The following FA2H variants were observed in gnomAD, a reference collection of about 807,000 sequenced individuals.
FA2H encodes the protein fatty acid alpha-hydroxylase.
Under a neutral mutation model 44.9 loss-of-function variants are expected in FA2H, and 22 were observed. The ratio of observed to expected loss-of-function variants is 0.49; its 90% CI spans 0.35 to 0.70. FA2H has a LOEUF of 0.70. Among genes scored for constraint, FA2H ranks in the 30% least tolerant of loss-of-function variants. The pLI, the probability that FA2H is intolerant of heterozygous loss-of-function variation, is 0.01. For synonymous variants in FA2H, 243 were observed against 213.2 expected (o/e 1.14, Z -1.22); for missense variants, 501 against 504.9 (o/e 0.99, Z 0.07).
At chr16:74,747,969 A>C (rs554377841) in intron 1 of FA2H, among the ~76,000 whole-genome samples, 2 of 152,260 alleles carry the variant, frequency 1.3e-5, no homozygotes, top group African/African-American at 4.8e-5. Context: ...GCATCCGAGG[A>C]GCCGTGGAGC....
chr16:74,773,958 G>C (rs1567653953), intron 1 of FA2H, among the ~76,000 whole-genome samples: 1 of 152,194 alleles, frequency 6.6e-6, no homozygotes, highest in African/African-American at 2.4e-5. Context: ...ACATGGCCCA[G>C]GCAAGGCCAG....
Position 74,764,737 on chromosome 16 carries a change from AAAG to A in FA2H, c.270+9746_270+9748del, listed in dbSNP as rs1019947276. Among the ~76,000 whole-genome samples the A allele has an allele frequency of 9.2e-5, 14 of 152,266 alleles. No homozygotes were observed. The East Asian group carries it at 1.7e-3, about 19-fold the overall frequency. On this transcript the variant is annotated intron_variant, in intron 1 of 6. Transcript: ENST00000219368. ...TGAACTTAGAAGTTTAAAAAAAAAAAAAGAATAGGAGCAATTAGAGAAGATTGA... is the reference window on the plus strand; with the variant it reads ...TGAACTTAGAAGTTTAAAAAAAAAAAAATAGGAGCAATTAGAGAAGATTGA...
intron 1 of FA2H, among the ~76,000 whole-genome samples, chr16:74,755,873 A>G (rs1357235030): frequency 6.9e-6 from 1 of 145,032 alleles, no homozygotes; most frequent in East Asian, 2.2e-4. Context: ...TAATTTTCAT[A>G]TAGTTAAAAA....
At chr16:74,741,808 A>ATATATATATATATGTGTGTGTGTG (rs1491185782) in intron 1 of FA2H, among the ~76,000 whole-genome samples, 2 of 48,416 alleles carry the variant, frequency 4.1e-5, no homozygotes, top group African/African-American at 2.2e-4. Context: ...ATATATATAT[A>ATATATATATATATGTGTGTGTGTG]TGTGTGTGTG....
chr16:74,736,034 C>T (rs908406925), intron 2 of FA2H, among the ~76,000 whole-genome samples: 2 of 149,188 alleles, frequency 1.3e-5, no homozygotes, highest in Admixed American at 1.3e-4. Flanking sequence ...TACTGGAACA[C>T]TGTGGCATCT....
chr16:74,731,699 T>A (rs995008118), intron 2 of FA2H, among the ~76,000 whole-genome samples: 15 of 152,170 alleles, frequency 9.9e-5, no homozygotes, highest in African/African-American at 3.6e-4. Flanking sequence ...ATTTTCTATT[T>A]GTCTCCTCTG....
chr16:74,728,776 CTT>C (rs1319164537), intron 2 of FA2H, among the ~76,000 whole-genome samples: 2 of 142,028 alleles, frequency 1.4e-5, no homozygotes, highest in African/African-American at 5.4e-5. Context: ...ATATTTATCT[CTT>C]TCTTTTTTTT....
chr16:74,766,522 G>A (rs1962811551), intron 1 of FA2H, among the ~76,000 whole-genome samples: 1 of 152,134 alleles, frequency 6.6e-6, no homozygotes, highest in South Asian at 2.1e-4. Flanking sequence ...TCTTCAGAAA[G>A]GTTCAGAGAC....
intron 6 of FA2H, among the ~76,000 whole-genome samples, chr16:74,714,697 A>AC (rs1961656054): frequency 6.6e-6 from 1 of 152,206 alleles, no homozygotes; most frequent in Non-Finnish European, 1.5e-5. Flanking sequence ...TTGCTGTCCA[A>AC]CTAGCCCTTA....
At chr16:74,716,747 C>G in intron 5 of FA2H, 148 bp from the exon 6 acceptor site, 1 of 791,842 alleles carries the variant, frequency 1.3e-6, no homozygotes, top group South Asian at 1.9e-5. Context: ...TTGGGGAGGG[C>G]GGGCCACCAC....
At chr16:74,761,651 T>C (rs907793699) in intron 1 of FA2H, among the ~76,000 whole-genome samples, 1 of 152,212 alleles carries the variant, frequency 6.6e-6, no homozygotes, top group African/African-American at 2.4e-5. Flanking sequence ...ATTTGGCCCT[T>C]GCTCAAATAC....
At chr16:74,718,810 G>A (rs561689982) in intron 5 of FA2H, among the ~76,000 whole-genome samples, 178 bp downstream of exon 5, 16 of 152,308 alleles carry the variant, frequency 1.1e-4, no homozygotes, top group African/African-American at 3.1e-4. Context: ...CGCTGTCCCC[G>A]CCTGGCTTAG....
At chr16:74,750,503 CAAT>C (rs1430649782) in intron 1 of FA2H, among the ~76,000 whole-genome samples, 1 of 152,116 alleles carries the variant, frequency 6.6e-6, no homozygotes, top group Non-Finnish European at 1.5e-5. Context: ...CTACGAAAAA[CAAT>C]AATAGTCACT....
intron 6 of FA2H, 56 bp downstream of exon 6, chr16:74,716,291 G>A (rs1377456022): frequency 3.1e-6 from 5 of 1,593,886 alleles, no homozygotes; most frequent in Non-Finnish European, 4.3e-6. Flanking sequence ...GATGGTAGTT[G>A]GCAAATAAAT....
Position 74,774,573 on chromosome 16 carries a change from G to T in FA2H, c.183C>A (p.Asp61Glu). The change falls in exon 1 of 7, where the codon GAC (aspartate) becomes GAA (glutamate). Residue 61 changes from aspartate (D) to glutamate (E), a missense_variant. Physicochemically the swap from Asp to Glu is conservative, Grantham distance 45. Coordinates refer to ENST00000219368, the MANE Select transcript of FA2H (RefSeq NM_024306.5). ...RARAGQDISA[D>E]LDGPPHRHSA... ...AGTGCCTGTGCGGCGGCCCGTCCAG[G>T]TCGGCGCTGATGTCCTGGCCCGCCC... 6.5e-7 allele frequency: 1 copy of T among 1,541,068 alleles called. No individual in the cohort carries two copies. The highest frequency in any genetic ancestry group is 8.7e-7 in the Non-Finnish European group (1 of 1,153,540).
At chr16:74,737,089 C>A (rs1019421509) in intron 2 of FA2H, among the ~76,000 whole-genome samples, 5 of 152,182 alleles carry the variant, frequency 3.3e-5, no homozygotes, top group Non-Finnish European at 7.3e-5. Flanking sequence ...GGGCAGCGAA[C>A]TTCTGCAAAC....
Position 74,716,564 on chromosome 16 carries a change from A to AG in FA2H, c.821dup (p.Val275CysfsTer38). The AG allele has an allele frequency of 6.3e-7, 1 of 1,597,188 alleles. No individual in the cohort carries two copies. On this transcript the variant is annotated frameshift_variant, in exon 6 of 7. Coordinates refer to ENST00000219368, the MANE Select transcript of FA2H (RefSeq NM_024306.5). LOFTEE classifies it high-confidence loss of function. ...CGCCGATCACCAGGGAGGCTGGCAC[A>AG]GGGGGGAAGACCAGGCGGGAGCCGT...
In FA2H at chr16:74,774,472, C is replaced by T. The variant is rs762491644; in HGVS notation, c.270+14G>A. On this transcript the variant is annotated intron_variant, in intron 1 of 6. Transcript: ENST00000219368. ...AGGCCTGGGTTGGGGTGGGGGGCCC[C>T]GGCCCGGCTGTACCTGCTGCTCCCC... 1.3e-6 allele frequency: 2 copies of T among 1,499,276 alleles called. No individual in the cohort carries two copies. Among genetic ancestry groups the T allele is most frequent in the Non-Finnish European group, 8.8e-7 (1 of 1,130,050 alleles). 92.9% of individuals were successfully genotyped at this position (1,499,276 alleles called of 1,614,324 possible). A position where few individuals can be genotyped will look rare whatever the true frequency, so the allele number is the denominator to read the frequency against.
intron 1 of FA2H, among the ~76,000 whole-genome samples, chr16:74,749,517 A>C (rs1254040855): frequency 2.0e-5 from 3 of 152,200 alleles, no homozygotes; most frequent in African/African-American, 7.2e-5. Context: ...TGGAGAACAA[A>C]AAGACAGTCT....
Sources: allele counts gnomAD v4.1 joint callset (sites outside exome capture counted in the v4.1 genomes callset), GRCh38; gene constraint gnomAD v4.1.1; transcripts MANE v1.5; gene names NCBI Gene and HGNC (gene_info 2026-07-23, HGNC 2026-07-21).